IFT43: variants seen among roughly 807,000 people sequenced by gnomAD.
IFT43 encodes intraflagellar transport protein 43 homolog.
IFT43 carries 33 observed loss-of-function variants against 32.3 expected under a neutral mutation model. That is an observed-to-expected ratio of 1.02 (90% CI 0.77 to 1.37). The LOEUF (loss-of-function observed/expected upper bound fraction) is 1.37. Among genes scored for constraint, IFT43 ranks in the 40% most tolerant of loss-of-function variants. IFT43 has a pLI of 0.00. For missense variants in IFT43, 274 were observed against 265.9 expected (o/e 1.03, Z -0.21); for synonymous variants, 93 against 98.2 (o/e 0.95, Z 0.31).
intron 2 of IFT43, among the ~76,000 whole-genome samples, chr14:76,005,770 A>G (rs2035969534): frequency 6.6e-6 from 1 of 152,054 alleles, no homozygotes; most frequent in African/African-American, 2.4e-5. Context: ...ATTTTTACCA[A>G]TCCAGTTCTT....
chr14:76,029,781 G>C (rs980595789), intron 3 of IFT43, among the ~76,000 whole-genome samples: 1 of 151,860 alleles, frequency 6.6e-6, no homozygotes, highest in Non-Finnish European at 1.5e-5. Flanking sequence ...AAGGTATGCT[G>C]TTCTAGTTCT....
At chr14:76,062,938 A>AAAAAAAAAAAAAAAAAAAAAAAG (rs1485146040) in intron 5 of IFT43, among the ~76,000 whole-genome samples, 33 of 120,864 alleles carry the variant, frequency 2.7e-4, no homozygotes, top group African/African-American at 7.6e-4. Flanking sequence ...AAAAAAAAAA[A>AAAAAAAAAAAAAAAAAAAAAAAG]AAAGAAAATA....
intron 3 of IFT43, among the ~76,000 whole-genome samples, chr14:76,040,595 C>T (rs981306993): frequency 1.3e-5 from 2 of 152,190 alleles, no homozygotes; most frequent in Non-Finnish European, 2.9e-5. Context: ...CAGTTTAAGG[C>T]CTCGGATGGC....
chr14:76,025,252 C>T lies in IFT43; in HGVS notation c.215+2858C>T, dbSNP rs190900593. On this transcript the variant is annotated intron_variant, in intron 3 of 8. Coordinates refer to ENST00000314067, the MANE Select transcript of IFT43 (RefSeq NM_001102564.3). ...TGAAAGATCTCTATGAGGAGAACTA[C>T]AAAACACTTTTCAAAGAAGTCAGAG... 1.7e-3 allele frequency among the ~76,000 whole-genome samples: 261 copies of T among 152,114 alleles called. 1 individual carries two copies. The highest frequency in any genetic ancestry group is 0.01 in the Middle Eastern group (3 of 294).
intron 5 of IFT43, among the ~76,000 whole-genome samples, chr14:76,067,275 T>C (rs1053139655): frequency 6.6e-6 from 1 of 151,944 alleles, no homozygotes; most frequent in Non-Finnish European, 1.5e-5. Context: ...AAGAGAAAAA[T>C]AGAAGAGAGG....
intron 3 of IFT43, among the ~76,000 whole-genome samples, chr14:76,047,153 C>CAGTTTTGGAGGGGCCACATATATT (rs1308968392): frequency 1.3e-5 from 2 of 152,170 alleles, no homozygotes; most frequent in Non-Finnish European, 2.9e-5. Context: ...GTTTCAACAT[C>CAGTTTTGGAGGGGCCACATATATT]AGTTTTGGAG....
chr14:76,005,830 C>G (rs1174573126), intron 2 of IFT43, among the ~76,000 whole-genome samples: 1 of 152,224 alleles, frequency 6.6e-6, no homozygotes. Context: ...TTTGTTTCCT[C>G]TCCAGTATCT....
In IFT43 at chr14:76,025,393, C is replaced by T. The variant is rs138132154; in HGVS notation, c.215+2999C>T. On this transcript the variant is annotated intron_variant, in intron 3 of 8. Coordinates refer to ENST00000314067, the MANE Select transcript of IFT43 (RefSeq NM_001102564.3). ...AGGCAAAAGCAACTTATAGATTCAA[C>T]GCTATTTCTATTAAACTACCATTGA... Among the ~76,000 whole-genome samples the T allele has an allele frequency of 8.2e-3, 1,251 of 152,100 alleles. 8 individuals carry two copies. The highest frequency in any genetic ancestry group is 0.01 in the Non-Finnish European group (704 of 67,970).
At chr14:76,060,470 T>C (rs1420560701) in intron 5 of IFT43, among the ~76,000 whole-genome samples, 1 of 152,100 alleles carries the variant, frequency 6.6e-6, no homozygotes, top group Non-Finnish European at 1.5e-5. Context: ...CCTCCCACCT[T>C]GGCTTCCCAA....
intron 3 of IFT43, among the ~76,000 whole-genome samples, chr14:76,024,041 A>G (rs1337727626): frequency 6.6e-6 from 1 of 152,202 alleles, no homozygotes; most frequent in African/African-American, 2.4e-5. Flanking sequence ...CTACGGGTTC[A>G]GGCTGCTAAA....
chr14:76,079,378 C>T lies in IFT43; in HGVS notation c.296-2917C>T, dbSNP rs374104210. The stretch of plus-strand genomic sequence containing the variant: ...GTTATTGAATATTATATACTGATCA[C>T]AGTGCTAGTATTTCATAAAGATCAT... On this transcript the variant is annotated intron_variant, in intron 5 of 8. Transcript: ENST00000314067. Among the ~76,000 whole-genome samples, 11 of 152,302 alleles carry T rather than the reference C, an allele frequency of 7.2e-5. No homozygotes were observed. The East Asian group carries it at 2.1e-3, about 29-fold the overall frequency.
At chr14:76,065,764 T>G (rs1432141636) in intron 5 of IFT43, among the ~76,000 whole-genome samples, 1 of 152,222 alleles carries the variant, frequency 6.6e-6, no homozygotes, top group Non-Finnish European at 1.5e-5. Flanking sequence ...TTTAGATTGT[T>G]TATTATTTCC....
chr14:76,005,546 A>G (rs1272943852), intron 2 of IFT43, among the ~76,000 whole-genome samples: 3 of 152,194 alleles, frequency 2.0e-5, no homozygotes, highest in Non-Finnish European at 2.9e-5. Context: ...TTATGCATGT[A>G]CAATTCAGGT....
intron 5 of IFT43, among the ~76,000 whole-genome samples, chr14:76,075,713 G>A (rs184894078): frequency 6.6e-6 from 1 of 152,294 alleles, no homozygotes; most frequent in Admixed American, 6.5e-5. Flanking sequence ...CCACCTCAGT[G>A]GACTTGGGAA....
intron 2 of IFT43, among the ~76,000 whole-genome samples, chr14:75,996,127 C>CT (rs1395255498): frequency 3.9e-5 from 6 of 152,182 alleles, no homozygotes; most frequent in South Asian, 2.1e-4. Flanking sequence ...TCAAAGAGCA[C>CT]TTTAAGATTC....
intron 2 of IFT43, among the ~76,000 whole-genome samples, chr14:75,999,300 T>TTA (rs1255174374): frequency 1.0e-4 from 11 of 107,658 alleles, no homozygotes; most frequent in African/African-American, 3.4e-4. Flanking sequence ...TTTTTTTTTT[T>TTA]AATTTTTTGT....
At chr14:76,035,159 G>C (rs2036575121) in intron 3 of IFT43, among the ~76,000 whole-genome samples, 1 of 152,164 alleles carries the variant, frequency 6.6e-6, no homozygotes, top group Non-Finnish European at 1.5e-5. Flanking sequence ...GGATCATGGG[G>C]ACTTGTCCAT....
intron 2 of IFT43, among the ~76,000 whole-genome samples, chr14:76,017,562 G>A (rs2036212261): frequency 6.6e-6 from 1 of 152,060 alleles, no homozygotes; most frequent in African/African-American, 2.4e-5. Flanking sequence ...GAGTAATACT[G>A]GCTTTGTAGA....
chr14:76,065,166 A>T lies in IFT43; in HGVS notation c.295+5793A>T, dbSNP rs113122718. On this transcript the variant is annotated intron_variant, in intron 5 of 8. Coordinates refer to ENST00000314067, the MANE Select transcript of IFT43 (RefSeq NM_001102564.3). ...AAGTTCAGAGATTATTATATAAAAT[A>T]ACAGGACTCAAAGAGAGAAACTCTG... Among the ~76,000 whole-genome samples, 33 of 152,332 alleles carry T rather than the reference A, an allele frequency of 2.2e-4. 1 individual carries two copies. Among genetic ancestry groups the T allele is most frequent in the African/African-American group, 7.5e-4 (31 of 41,574 alleles).
Sources: allele counts gnomAD v4.1 joint callset (sites outside exome capture counted in the v4.1 genomes callset), GRCh38; gene constraint gnomAD v4.1.1; transcripts MANE v1.5; gene names NCBI Gene and HGNC (gene_info 2026-07-23, HGNC 2026-07-21).